The following CBL variants were observed in gnomAD, a reference collection of about 807,000 sequenced individuals.
CBL encodes the protein Cbl proto-oncogene.
CBL carries 45 observed loss-of-function variants against 96.9 expected under a neutral mutation model. The ratio of observed to expected loss-of-function variants is 0.46; its 90% CI spans 0.37 to 0.60. CBL has a LOEUF of 0.60. CBL is among the 20% of genes least tolerant of loss of function. CBL has a pLI of 0.00. For synonymous variants in CBL, 420 were observed against 426.8 expected, an observed-to-expected ratio of 0.98 and a Z score of 0.20; for missense variants, 1,024 against 1,143.5, an observed-to-expected ratio of 0.90 and a Z score of 1.51.
intron 1 of CBL, among the ~76,000 whole-genome samples, chr11:119,224,302 A>AG (rs1170141977): frequency 6.6e-6 from 1 of 152,128 alleles, no homozygotes; most frequent in African/African-American, 2.4e-5. Flanking sequence ...TTGTTGTTGA[A>AG]GGGATGTGTG....
rs532745469 is a variant in CBL at position 119,231,943 on chromosome 11, A to AC, written c.196-505_196-504insC. On this transcript the variant is annotated intron_variant, in intron 1 of 15. Coordinates refer to ENST00000264033, the MANE Select transcript of CBL (RefSeq NM_005188.4). ...GGGCAACATGTCTCTAAAAAAAAAA[A>AC]AAACAACAATTAGCTGGGTGTGGTT... Among the ~76,000 whole-genome samples the AC allele has an allele frequency of 4.0e-3, 608 of 151,920 alleles. 3 individuals are homozygous for AC. Among genetic ancestry groups the AC allele is most frequent in the Middle Eastern group, 6.8e-3 (2 of 294 alleles).
chr11:119,277,273 A>ACACACACACACACACACACAC (rs1555229989), intron 6 of CBL, among the ~76,000 whole-genome samples: 2 of 151,872 alleles, frequency 1.3e-5, no homozygotes, highest in African/African-American at 4.8e-5. Flanking sequence ...ACACACACAT[A>ACACACACACACACACACACAC]AAGAATTTCT....
chr11:119,277,638 T>G, intron 6 of CBL, 119 bp from the exon 7 acceptor site: 1 of 721,230 alleles, frequency 1.4e-6, no homozygotes, highest in East Asian at 2.6e-5. Context: ...AAGATTGATC[T>G]TTATACTTAC....
intron 2 of CBL, among the ~76,000 whole-genome samples, chr11:119,259,435 T>G (rs1353233386): frequency 7.2e-5 from 11 of 152,148 alleles, no homozygotes; most frequent in Non-Finnish European, 1.3e-4. Flanking sequence ...TATTTGACAA[T>G]ACTGAAATTT....
intron 2 of CBL, among the ~76,000 whole-genome samples, chr11:119,247,974 T>G (rs777857942): frequency 6.6e-6 from 1 of 152,116 alleles, no homozygotes; most frequent in Non-Finnish European, 1.5e-5. Flanking sequence ...TGAAAGAAAC[T>G]AAAGAAGACC....
chr11:119,260,191 T>A (rs1949743652), intron 2 of CBL, among the ~76,000 whole-genome samples: 1 of 152,170 alleles, frequency 6.6e-6, no homozygotes, highest in Non-Finnish European at 1.5e-5. Flanking sequence ...TGAGTAGTGA[T>A]GATGAGCATG....
rs1219382952 is a variant in CBL at position 119,285,056 on chromosome 11, G to A, written c.1519G>A (p.Val507Ile). 4 of 1,614,200 alleles carry A rather than the reference G, an allele frequency of 2.5e-6. No homozygotes were observed. The highest frequency in any genetic ancestry group is 1.3e-5 in the African/African-American group (1 of 75,054). ...PPRLDLLPQR[V>I]CVPSSASALG... ...ACGACTTGACCTTCTGCCGCAGCGA[G>A]TATGTGTTCCCTCAAGTGCTTCTGC... is the stretch of plus-strand genomic sequence containing the variant. Residue 507 changes from valine to isoleucine, a missense_variant, in exon 10 of 16, where the codon GTA becomes ATA. Physicochemically the swap from Val to Ile is conservative, Grantham distance 29. Coordinates refer to ENST00000264033, the MANE Select transcript of CBL (RefSeq NM_005188.4).
intron 2 of CBL, among the ~76,000 whole-genome samples, chr11:119,264,458 T>TTCTTTCTCTTCTCTTCTCG (rs1949784098): frequency 7.5e-6 from 1 of 133,700 alleles, no homozygotes; most frequent in African/African-American, 2.8e-5. Flanking sequence ...TTCTCTTCTC[T>TTCTTTCTCTTCTCTTCTCG]TCTCTTTTCT....
At chr11:119,238,532 CAA>C (rs1239337579) in intron 2 of CBL, among the ~76,000 whole-genome samples, 1 of 151,474 alleles carries the variant, frequency 6.6e-6, no homozygotes, top group African/African-American at 2.4e-5. Context: ...GTTTTCTTAT[CAA>C]AAAGAGCAGC....
chr11:119,282,206 C>T (rs1949940980), intron 9 of CBL, among the ~76,000 whole-genome samples: 1 of 151,772 alleles, frequency 6.6e-6, no homozygotes, highest in African/African-American at 2.4e-5. Flanking sequence ...GGCATGGTGG[C>T]GCATGCCTAT....
chr11:119,298,567 G>C, intron 15 of CBL, 27 bp downstream of exon 15: 1 of 1,600,136 alleles, frequency 6.2e-7, no homozygotes, highest in Non-Finnish European at 8.6e-7. Context: ...CTTTGGGTTT[G>C]TCCTGAATGG....
Position 119,304,940 on chromosome 11 carries a change from TA to T in CBL, c.*5167del, listed in dbSNP as rs951213969. ...GCGCCCGGCCCATACTTCGTATTCTTAAAAAAAACTACACTCAGCCCAGCAC... is the reference window on the plus strand; with the variant it reads ...GCGCCCGGCCCATACTTCGTATTCTTAAAAAAACTACACTCAGCCCAGCAC... On this transcript the variant is annotated 3_prime_UTR_variant, in exon 16 of 16. Coordinates refer to ENST00000264033, the MANE Select transcript of CBL (RefSeq NM_005188.4). 30 of 198,934 alleles carry T rather than the reference TA, an allele frequency of 1.5e-4. No individual in the cohort carries two copies. Among genetic ancestry groups the T allele is most frequent in the African/African-American group, 6.0e-4 (26 of 43,290 alleles). The allele number at this position is 198,934 out of a possible 1,614,324, so 12.3% of individuals were successfully genotyped here.
chr11:119,217,457 G>A (rs140175334), intron 1 of CBL, among the ~76,000 whole-genome samples: 22 of 152,272 alleles, frequency 1.4e-4, no homozygotes, highest in African/African-American at 5.1e-4. Context: ...TGTTCAGACT[G>A]TGTCAAGTAA....
intron 1 of CBL, among the ~76,000 whole-genome samples, chr11:119,228,179 G>A (rs1441058393): frequency 6.6e-6 from 1 of 152,002 alleles, no homozygotes; most frequent in East Asian, 1.9e-4. Context: ...ATGGTGGTGT[G>A]ATCTTGGCTG....
intron 2 of CBL, among the ~76,000 whole-genome samples, chr11:119,237,927 A>C (rs1459432717): frequency 6.6e-6 from 1 of 152,034 alleles, no homozygotes; most frequent in East Asian, 1.9e-4. Flanking sequence ...GCTGGAGTGC[A>C]GTGGCGCCAT....
Position 119,285,244 on chromosome 11 carries a change from G to A in CBL, c.1619G>A (p.Arg540Gln), listed in dbSNP as rs980503623. ...CCATTGCCAGTACCTCCCACACTTC[G>A]AGATCTTCCACCACCACCGCCTCCA... ...DKPLPVPPTLRDLPPPPPPDR... is the reference protein window; with the variant it reads ...DKPLPVPPTLQDLPPPPPPDR... Residue 540 changes from arginine (R) to glutamine (Q), a missense_variant, in exon 11 of 16, where the codon CGA (arginine) becomes CAA (glutamine). Arg to Gln is a conservative substitution (Grantham distance 43). Coordinates refer to ENST00000264033, the MANE Select transcript of CBL (RefSeq NM_005188.4). 11 of 1,613,720 alleles carry A rather than the reference G, an allele frequency of 6.8e-6. No homozygotes were observed. The highest frequency in any genetic ancestry group is 1.1e-5 in the South Asian group (1 of 91,068).
chr11:119,227,707 C>T (rs1167624108), intron 1 of CBL, among the ~76,000 whole-genome samples: 2 of 152,198 alleles, frequency 1.3e-5, no homozygotes, highest in African/African-American at 2.4e-5. Context: ...TGGGCCACCA[C>T]GCCTGGCTAA....
rs1049951102 is a variant in CBL, at chr11:119,307,325, A to G, written c.*7544A>G. ...GTGTCCTAGCCTTCTGATGACATTA[A>G]TTACCTAGTTGTGTCGAGGAGTATA... On this transcript the variant is annotated 3_prime_UTR_variant, in exon 16 of 16. Transcript: ENST00000264033. The G allele has an allele frequency of 2.6e-5, 6 of 232,928 alleles. No individual in the cohort carries two copies. The highest frequency in any genetic ancestry group is 1.3e-4 in the African/African-American group (6 of 45,292). The allele number at this position is 232,928 out of a possible 1,614,324, so 14.4% of individuals were successfully genotyped here.
In CBL at chr11:119,278,532, C is replaced by T. The variant is rs779039234; in HGVS notation, c.1250C>T (p.Pro417Leu). ...SWQESEGQGC[P>L]FCRCEIKGTE... ...CAGGAATCAGAAGGTCAGGGCTGTCCTTTCTGCCGATGTGAAATTAAAGGT... is the reference window on the plus strand; with the variant it reads ...CAGGAATCAGAAGGTCAGGGCTGTCTTTTCTGCCGATGTGAAATTAAAGGT... Residue 417 changes from proline to leucine, a missense_variant, in exon 9 of 16, where the codon CCT becomes CTT. Around this residue, in one of 4 missense-constraint regions of CBL, gnomAD observed 695 missense variants for 661.6 expected, o/e 1.05. Transcript: ENST00000264033. 6.2e-7 allele frequency: 1 copy of T among 1,614,126 alleles called. No homozygotes were observed. The highest frequency in any genetic ancestry group is 8.5e-7 in the Non-Finnish European group (1 of 1,179,984).
Sources: gnomAD v4.1 joint callset for allele counts (sites outside exome capture counted in the v4.1 genomes callset) on GRCh38, gnomAD v4.1.1 for gene constraint, gnomAD v4.1.1 regional missense constraint, MANE v1.5 for transcripts, NCBI Gene and HGNC (gene_info 2026-07-23, HGNC 2026-07-21) for gene names.